DNAH2: variants seen among roughly 807,000 people sequenced by gnomAD.
The protein encoded by DNAH2 is axonemal beta dynein heavy chain 2.
DNAH2 carries 323 observed loss-of-function variants against 523.5 expected under a neutral mutation model. The observed-to-expected ratio is 0.62, with a 90% CI of 0.56 to 0.68. The LOEUF (loss-of-function observed/expected upper bound fraction) is 0.68. DNAH2 is among the 30% of genes least tolerant of loss of function. The pLI is 0.00. For missense variants in DNAH2, 4,907 were observed against 5,701.5 expected, an observed-to-expected ratio of 0.86 and a Z score of 4.49; for synonymous variants, 2,093 against 2,177.4, an observed-to-expected ratio of 0.96 and a Z score of 1.08.
intron 4 of DNAH2, among the ~76,000 whole-genome samples, chr17:7,728,516 A>G (rs1320799671): frequency 1.3e-5 from 2 of 152,210 alleles, no homozygotes; most frequent in Non-Finnish European, 2.9e-5. Context: ...AAAAGATTTC[A>G]TTCGCAAAAG....
chr17:7,802,534 A>C (rs759276180), intron 58 of DNAH2, among the ~76,000 whole-genome samples: 1 of 152,192 alleles, frequency 6.6e-6, no homozygotes, highest in African/African-American at 2.4e-5. Context: ...TATACTTTGA[A>C]TCCTCTCTAG....
At chr17:7,742,233 C>T (rs547420428) in intron 11 of DNAH2, among the ~76,000 whole-genome samples, 76 of 152,064 alleles carry the variant, frequency 5.0e-4, no homozygotes, top group African/African-American at 1.7e-3. Flanking sequence ...AGTTCATGAC[C>T]AGTTTGGCCA....
chr17:7,814,432 G>C (rs1482607018), intron 63 of DNAH2, among the ~76,000 whole-genome samples: 1 of 152,084 alleles, frequency 6.6e-6, no homozygotes, highest in East Asian at 1.9e-4. Flanking sequence ...TAGCTGATGG[G>C]TGTTTCTAGG....
In DNAH2 at chr17:7,792,049, G is replaced by A. The variant is rs779213701; in HGVS notation, c.7033G>A (p.Glu2345Lys). ...GATCGACAGCTACCTCCGAGAGATCGAGGGCTCCTTTCCCAATAAGGTTGG... is the reference window on the plus strand; with the variant it reads ...GATCGACAGCTACCTCCGAGAGATCAAGGGCTCCTTTCCCAATAAGGTTGG... ...KRIDSYLREI[E>K]GSFPNKDTVY... Residue 2345 changes from glutamate (E) to lysine (K), a missense_variant, in exon 45 of 86, where the codon GAG (glutamate) becomes AAG (lysine). By Grantham distance (56) the Glu-to-Lys change is moderately conservative. This residue lies in a region of DNAH2 where 2,806 missense variants were observed against 3,190.8 expected (regional missense o/e 0.88). Coordinates refer to ENST00000572933, the MANE Select transcript of DNAH2 (RefSeq NM_020877.5). 10 of 1,613,642 alleles carry A rather than the reference G, an allele frequency of 6.2e-6. No homozygotes were observed. In the East Asian group the frequency reaches 8.9e-5, roughly 14 times the overall value.
rs766803237 is a variant in DNAH2, at chr17:7,754,103, G to C, written c.1905-2988G>C. 3.9e-4 allele frequency among the ~76,000 whole-genome samples: 60 copies of C among 152,104 alleles called. No homozygotes were observed. Among genetic ancestry groups the C allele is most frequent in the Non-Finnish European group, 4.9e-4 (33 of 68,020 alleles). ...GGTCTCAGGGATGAGGAGGGAATGGGAAGAAAAGAGTGACGGGGATCTGTG... is the reference window on the plus strand; with the variant it reads ...GGTCTCAGGGATGAGGAGGGAATGGCAAGAAAAGAGTGACGGGGATCTGTG... On this transcript the variant is annotated intron_variant, in intron 12 of 85. Transcript: ENST00000572933. The surrounding 1 kb of genome is among the most constrained non-coding windows in gnomAD (Gnocchi z 4.6).
chr17:7,814,129 G>A (rs933264070), intron 63 of DNAH2, among the ~76,000 whole-genome samples: 4 of 149,846 alleles, frequency 2.7e-5, no homozygotes, highest in Admixed American at 6.7e-5. Context: ...CCCCTTAACC[G>A]GGTGCACTTT....
intron 77 of DNAH2, among the ~76,000 whole-genome samples, chr17:7,829,876 A>C (rs939444418): frequency 6.6e-6 from 1 of 151,956 alleles, no homozygotes. Flanking sequence ...AATACAAAAA[A>C]TTAGCTGGGC....
chr17:7,749,106 C>T (rs899629632), intron 12 of DNAH2, among the ~76,000 whole-genome samples: 21 of 150,686 alleles, frequency 1.4e-4, no homozygotes, highest in African/African-American at 4.9e-4. Flanking sequence ...GTCAGGAGTT[C>T]GAGACCAGCC....
In DNAH2 at chr17:7,817,656, G is replaced by A. The variant is rs1159446803; in HGVS notation, c.10116G>A (p.Leu3372=). ...TCCGGGACTGGAACATCCAAGGGTT[G>A]CCCTCAGACGCCTTCTCCACTGAGA... ...TKVRDWNIQG[L]PSDAFSTENG... Residue 3372 remains leucine, a synonymous_variant, in exon 66 of 86, where the codon TTG becomes TTA. Transcript: ENST00000572933. The A allele has an allele frequency of 2.5e-6, 4 of 1,614,044 alleles. No individual in the cohort carries two copies. Among genetic ancestry groups the A allele is most frequent in the Non-Finnish European group, 3.4e-6 (4 of 1,180,038 alleles).
intron 4 of DNAH2, among the ~76,000 whole-genome samples, chr17:7,732,323 TA>T (rs781082997): frequency 6.7e-6 from 1 of 149,574 alleles, no homozygotes; most frequent in Non-Finnish European, 1.5e-5. Flanking sequence ...TAATCCCAGA[TA>T]CTCGGGAGGC....
rs1340666796 is a variant in DNAH2, at chr17:7,807,173, C to G, written c.9466C>G (p.Leu3156Val). ...AGGGGAACAGAACTTCATCAAGTCACTGATCAACTTTGATAAAGACAATAT... is the reference window on the plus strand; with the variant it reads ...AGGGGAACAGAACTTCATCAAGTCAGTGATCAACTTTGATAAAGACAATAT... ...QLGEQNFIKS[L>V]INFDKDNISD... Residue 3156 changes from leucine (L) to valine (V), a missense_variant, in exon 62 of 86, where the codon CTG becomes GTG. This residue lies in a region of DNAH2 where 1,851 missense variants were observed against 2,139.4 expected (regional missense o/e 0.87). Transcript: ENST00000572933. The surrounding 1 kb of genome is among the most constrained non-coding windows in gnomAD (Gnocchi z 5.6). 4.4e-6 allele frequency: 7 copies of G among 1,609,164 alleles called. No individual in the cohort carries two copies. Among genetic ancestry groups the G allele is most frequent in the Non-Finnish European group, 5.9e-6 (7 of 1,180,016 alleles).
intron 63 of DNAH2, among the ~76,000 whole-genome samples, chr17:7,810,256 G>A (rs1000945056): frequency 6.6e-6 from 1 of 151,538 alleles, no homozygotes; most frequent in Non-Finnish European, 1.5e-5. Context: ...GTAGAGACGG[G>A]GTTTCACCAT....
chr17:7,817,504 G>GC, intron 65 of DNAH2, 57 bp from the exon 66 acceptor site: 1 of 1,613,614 alleles, frequency 6.2e-7, no homozygotes, highest in Non-Finnish European at 8.5e-7. Context: ...CCGTGAAGGC[G>GC]CGGGGGCTGC....
Position 7,765,519 on chromosome 17 carries a change from C to A in DNAH2, c.3465C>A (p.Asp1155Glu), listed in dbSNP as rs1290118226. ...CAGGCCTGATCCACTCGGCAGATGA[C>A]TTCAAGAAGAAAGCACATACACTTC... ...FKTGLIHSAD[D>E]FKKKAHTLLE... The change falls in exon 21 of 86, where the codon GAC (aspartate) becomes GAA (glutamate). Residue 1155 changes from aspartate to glutamate, a missense_variant. Asp to Glu is a conservative substitution (Grantham distance 45). This residue lies in a region of DNAH2 where 2,806 missense variants were observed against 3,190.8 expected (regional missense o/e 0.88). Coordinates refer to ENST00000572933, the MANE Select transcript of DNAH2 (RefSeq NM_020877.5). The A allele has an allele frequency of 1.2e-6, 2 of 1,614,074 alleles. No homozygotes were observed. Among genetic ancestry groups the A allele is most frequent in the Non-Finnish European group, 1.7e-6 (2 of 1,180,034 alleles).
In DNAH2 at chr17:7,832,813, C is replaced by T; in HGVS notation, c.12904-41C>T. 1 of 1,613,980 alleles carries T rather than the reference C, an allele frequency of 6.2e-7. No individual in the cohort carries two copies. Among genetic ancestry groups the T allele is most frequent in the Non-Finnish European group, 8.5e-7 (1 of 1,179,892 alleles). The stretch of plus-strand genomic sequence containing the variant: ...TATGCTGGGGCCATGTATGTGTTCT[C>T]CTCTTCAGGGTCCTCTCTTATTCTC... On this transcript the variant is annotated intron_variant, in intron 83 of 85. Transcript: ENST00000572933. This position sits in a 1 kb window ranked among gnomAD's most constrained non-coding sequence, Gnocchi z 4.3.
At chr17:7,734,411 A>G in intron 6 of DNAH2, 59 bp from the exon 7 acceptor site, 7 of 1,602,786 alleles carry the variant, frequency 4.4e-6, no homozygotes, top group Non-Finnish European at 6.0e-6. Context: ...CGGGGAGTGA[A>G]GGATGCTGTT....
chr17:7,780,324 C>G lies in DNAH2; in HGVS notation c.5850+40C>G. On this transcript the variant is annotated intron_variant, in intron 37 of 85. Transcript: ENST00000572933. This position sits in a 1 kb window ranked among gnomAD's most constrained non-coding sequence, Gnocchi z 4.4. The stretch of plus-strand genomic sequence containing the variant: ...CCTTTTCTCCAGTGATTTTAATTTC[C>G]TTTCATAATTATTCCCTGGACAGAG... 1 of 1,613,390 alleles carries G rather than the reference C, an allele frequency of 6.2e-7. No homozygotes were observed. Among genetic ancestry groups the G allele is most frequent in the Non-Finnish European group, 8.5e-7 (1 of 1,179,804 alleles).
At chr17:7,753,005 T>TCA (rs2075731954) in intron 12 of DNAH2, among the ~76,000 whole-genome samples, 1 of 152,198 alleles carries the variant, frequency 6.6e-6, no homozygotes, top group Non-Finnish European at 1.5e-5. Flanking sequence ...ATGGCTTTCT[T>TCA]CGCGGGAGCA....
intron 12 of DNAH2, among the ~76,000 whole-genome samples, chr17:7,747,659 A>T (rs1455613039): frequency 6.6e-6 from 1 of 152,196 alleles, no homozygotes; most frequent in Admixed American, 6.5e-5. Flanking sequence ...CTTTGGGCCA[A>T]ATATTTATGG....
Sources: gnomAD v4.1 joint callset for allele counts (sites outside exome capture counted in the v4.1 genomes callset) on GRCh38, gnomAD v4.1.1 for gene constraint, gnomAD v4.1.1 regional missense constraint, Gnocchi (gnomAD v3.1) non-coding constraint, MANE v1.5 for transcripts, NCBI Gene and HGNC (gene_info 2026-07-23, HGNC 2026-07-21) for gene names.